PTPRG: variants seen among roughly 807,000 people sequenced by gnomAD.
PTPRG encodes receptor-type tyrosine-protein phosphatase gamma.
In PTPRG, 102 loss-of-function variants were observed where a neutral mutation model predicts 165.3. The ratio of observed to expected loss-of-function variants is 0.62; its 90% CI spans 0.53 to 0.73. The LOEUF is 0.73. Ranked by LOEUF, PTPRG falls within the 30% of genes least tolerant of loss-of-function variation. The pLI, the probability that PTPRG is intolerant of heterozygous loss-of-function variation, is 0.00. For synonymous variants in PTPRG, 675 were observed against 669.5 expected (o/e 1.01, Z -0.13); for missense variants, 1,866 against 1,861.4 (o/e 1.00, Z -0.05).
intron 2 of PTPRG, among the ~76,000 whole-genome samples, chr3:61,863,119 T>C (rs886613047): frequency 2.6e-5 from 4 of 152,216 alleles, no homozygotes; most frequent in African/African-American, 4.8e-5. Flanking sequence ...ACCCAGGAAC[T>C]GCTTGTCTAA....
intron 2 of PTPRG, among the ~76,000 whole-genome samples, chr3:61,898,735 T>C (rs2038425911): frequency 2.0e-5 from 3 of 152,236 alleles, no homozygotes; most frequent in South Asian, 2.1e-4. Flanking sequence ...TTTGATGGTC[T>C]ACTTGCTGTT....
At chr3:61,873,784 T>C (rs1400506233) in intron 2 of PTPRG, among the ~76,000 whole-genome samples, 1 of 152,172 alleles carries the variant, frequency 6.6e-6, no homozygotes, top group Admixed American at 6.5e-5. Context: ...GTTGACGCAG[T>C]ATAAATGATT....
In PTPRG at chr3:61,828,017, A is replaced by G. The variant is rs375210871; in HGVS notation, c.190+79035A>G. ...CCTTAAATTAACTGCTGATTCTTAG[A>G]TCAAGTCAGTTATGTATTATTGACC... On this transcript the variant is annotated intron_variant, in intron 2 of 29. Coordinates refer to ENST00000474889, the MANE Select transcript of PTPRG (RefSeq NM_002841.4). Among the ~76,000 whole-genome samples the G allele has an allele frequency of 5.3e-4, 80 of 152,314 alleles. 1 individual carries two copies. The highest frequency in any genetic ancestry group is 1.8e-3 in the African/African-American group (76 of 41,580).
chr3:62,007,893 T>C (rs576430989), intron 4 of PTPRG, among the ~76,000 whole-genome samples: 1 of 152,360 alleles, frequency 6.6e-6, no homozygotes, highest in East Asian at 1.9e-4. Flanking sequence ...GTAGGCAAGA[T>C]AATGTCTCTT....
chr3:62,142,989 A>T (rs1703986352), intron 6 of PTPRG, among the ~76,000 whole-genome samples: 1 of 152,182 alleles, frequency 6.6e-6, no homozygotes, highest in Non-Finnish European at 1.5e-5. Flanking sequence ...CCAGCGTCAC[A>T]TCATGAGAAG....
chr3:62,009,058 C>T (rs564450113), intron 4 of PTPRG, among the ~76,000 whole-genome samples: 1 of 152,326 alleles, frequency 6.6e-6, no homozygotes, highest in East Asian at 1.9e-4. Flanking sequence ...TATCAGTACT[C>T]TACATAGCTT....
Position 62,203,292 on chromosome 3 carries a change from C to G in PTPRG, c.1497C>G (p.Ser499=), listed in dbSNP as rs369588967. The G allele has an allele frequency of 1.4e-5, 23 of 1,614,002 alleles. No individual in the cohort carries two copies. In the African/African-American group the frequency reaches 3.1e-4, roughly 22 times the overall value. The change falls in exon 12 of 30, where the codon TCC becomes TCG. Residue 499 remains serine, a synonymous_variant. Transcript: ENST00000474889. The surrounding 1 kb of genome is among the most constrained non-coding windows in gnomAD (Gnocchi z 6.4). ...FVSMATGMGP[S]SSGSQATVAS... The stretch of plus-strand genomic sequence containing the variant: ...CCATGGCAACTGGGATGGGCCCCTC[C>G]TCCAGTGGCAGCCAGGCCACAGTGG...
intron 2 of PTPRG, among the ~76,000 whole-genome samples, chr3:61,850,877 A>G (rs1450150757): frequency 3.3e-5 from 5 of 152,180 alleles, no homozygotes; most frequent in African/African-American, 9.6e-5. Flanking sequence ...ATGAAACAGG[A>G]TATATTTAAA....
Position 62,190,122 on chromosome 3 carries a change from T to C in PTPRG, c.1034-1347T>C, listed in dbSNP as rs1699771634. Among the ~76,000 whole-genome samples, 3 of 152,120 alleles carry C rather than the reference T, an allele frequency of 2.0e-5. No homozygotes were observed. Among genetic ancestry groups the C allele is most frequent in the African/African-American group, 7.2e-5 (3 of 41,442 alleles). On this transcript the variant is annotated intron_variant, in intron 8 of 29. Transcript: ENST00000474889. The surrounding 1 kb of genome is among the most constrained non-coding windows in gnomAD (Gnocchi z 5.2). Reference sequence around the variant, plus strand: ...CATGGGATTCTTTGGTGAGCCTCCATCTCTTAGAGTGGAGGTTCTCAGCCG... The same window carrying C: ...CATGGGATTCTTTGGTGAGCCTCCACCTCTTAGAGTGGAGGTTCTCAGCCG...
At chr3:61,865,455 T>G (rs972015552) in intron 2 of PTPRG, among the ~76,000 whole-genome samples, 2 of 152,168 alleles carry the variant, frequency 1.3e-5, no homozygotes, top group African/African-American at 2.4e-5. Flanking sequence ...TTGTAAATGG[T>G]GAAGCTAAGA....
chr3:62,191,214 G>GCA (rs1342825430), intron 8 of PTPRG, among the ~76,000 whole-genome samples: 56 of 151,772 alleles, frequency 3.7e-4, no homozygotes, highest in African/African-American at 1.1e-3. Flanking sequence ...TGTGTCCCGT[G>GCA]CACGTGTGTG....
At position 62,252,681 on chromosome 3, in the gene PTPRG, G is replaced by C. The variant is rs149801522; in HGVS notation, c.2468-2443G>C. ...TTTATAATCATCTGGCTCATGTTGA[G>C]AGAATGTAATAGAAAAATTATGAGA... On this transcript the variant is annotated intron_variant, in intron 15 of 29. Coordinates refer to ENST00000474889, the MANE Select transcript of PTPRG (RefSeq NM_002841.4). The surrounding 1 kb of genome is among the most constrained non-coding windows in gnomAD (Gnocchi z 4.6). Among the ~76,000 whole-genome samples, 84 of 152,264 alleles carry C rather than the reference G, an allele frequency of 5.5e-4. No individual in the cohort carries two copies. The highest frequency in any genetic ancestry group is 1.9e-3 in the African/African-American group (80 of 41,548).
chr3:62,206,912 C>CAAAAAAAAAA (rs556974355), intron 12 of PTPRG, among the ~76,000 whole-genome samples: 2 of 37,336 alleles, frequency 5.4e-5, no homozygotes, highest in African/African-American at 1.4e-4. Flanking sequence ...GACTCTGTCT[C>CAAAAAAAAAA]AAAAAAAAAA....
intron 12 of PTPRG, among the ~76,000 whole-genome samples, chr3:62,211,979 TTA>T (rs1303696559): frequency 1.3e-5 from 2 of 152,066 alleles, no homozygotes; most frequent in African/African-American, 4.8e-5. Flanking sequence ...TAATTTTTTT[TTA>T]AAAAGCAGAA....
intron 5 of PTPRG, chr3:62,124,209 C>T: frequency 1.1e-6 from 1 of 932,626 alleles, no homozygotes; most frequent in South Asian, 1.3e-5. Flanking sequence ...ATTATTCAGC[C>T]ACACAGTGCT....
chr3:61,954,309 T>C (rs924376096), intron 2 of PTPRG, among the ~76,000 whole-genome samples: 2 of 152,172 alleles, frequency 1.3e-5, no homozygotes, highest in African/African-American at 4.8e-5. Context: ...GTGTTAGTGG[T>C]ATTAGTGGTG....
chr3:61,839,111 CT>C (rs2036550420), intron 2 of PTPRG, among the ~76,000 whole-genome samples: 1 of 152,038 alleles, frequency 6.6e-6, no homozygotes, highest in Non-Finnish European at 1.5e-5. Flanking sequence ...GGCATATATC[CT>C]TTAAGATAAT....
chr3:61,721,229 T>TTAGAATTGCAACC (rs1470352655), intron 1 of PTPRG, among the ~76,000 whole-genome samples: 1 of 152,206 alleles, frequency 6.6e-6, no homozygotes, highest in East Asian at 1.9e-4. Context: ...GGTGACTACA[T>TTAGAATTGCAACC]TAGAATTGCA....
At chr3:61,685,381 A>G (rs777530330) in intron 1 of PTPRG, among the ~76,000 whole-genome samples, 6 of 152,222 alleles carry the variant, frequency 3.9e-5, no homozygotes, top group African/African-American at 9.6e-5. Context: ...GATGGTCCCA[A>G]TAGGGATCTG....
Sources: gnomAD v4.1 joint callset for allele counts (sites outside exome capture counted in the v4.1 genomes callset) on GRCh38, gnomAD v4.1.1 for gene constraint, Gnocchi (gnomAD v3.1) non-coding constraint, MANE v1.5 for transcripts, NCBI Gene and HGNC (gene_info 2026-07-23, HGNC 2026-07-21) for gene names.